The following CDC42BPA variants were observed in gnomAD, a reference collection of about 807,000 sequenced individuals.
CDC42BPA encodes the protein CDC42 binding protein kinase alpha, also known as serine/threonine-protein kinase MRCK alpha.
A neutral mutation model predicts 223.5 loss-of-function variants in CDC42BPA; 80 were observed. The ratio of observed to expected loss-of-function variants is 0.36; its 90% CI spans 0.30 to 0.43. CDC42BPA has a LOEUF of 0.43. Ranked by LOEUF, CDC42BPA falls within the 20% of genes least tolerant of loss-of-function variation. The pLI is 1.00. For synonymous variants in CDC42BPA, 694 were observed against 718.6 expected (o/e 0.97, Z 0.55); for missense variants, 1,743 against 2,099.9 (o/e 0.83, Z 3.32).
intron 1 of CDC42BPA, chr1:227,265,290 C>G (rs867201214): frequency 2.5e-5 from 12 of 486,982 alleles, no homozygotes; most frequent in South Asian, 4.5e-5. Flanking sequence ...TATTTAGACA[C>G]AAAAGGCTTC....
chr1:227,068,759 GAAT>G lies in CDC42BPA; in HGVS notation c.2904+1015_2904+1017del, dbSNP rs1457989549. On this transcript the variant is annotated intron_variant, in intron 21 of 36. Transcript: ENST00000366766. ...AAATATGGATGAAGCAATTTAATAAGAATAATAAATCAAAAACTTTGTAAAACA... is the reference window on the plus strand; with the variant it reads ...AAATATGGATGAAGCAATTTAATAAGAATAAATCAAAAACTTTGTAAAACA... The G allele has an allele frequency of 2.0e-5, 12 of 595,440 alleles. No individual in the cohort carries two copies. In the Admixed American group the frequency reaches 2.5e-4, roughly 12 times the overall value. The allele number at this position is 595,440 out of a possible 1,614,324, so 36.9% of individuals were successfully genotyped here. A position where few individuals can be genotyped will look rare whatever the true frequency, so the allele number is the denominator to read the frequency against.
chr1:227,312,778 G>C (rs1693741083), intron 1 of CDC42BPA, among the ~76,000 whole-genome samples: 1 of 143,712 alleles, frequency 7.0e-6, no homozygotes, highest in Non-Finnish European at 1.5e-5. Context: ...TGGATCATGG[G>C]GGCAGACTTC....
chr1:227,047,980 T>C lies in CDC42BPA; in HGVS notation c.3040A>G (p.Thr1014Ala). Residue 1014 changes from threonine to alanine, a missense_variant, in exon 23 of 37, where the codon ACA (threonine) becomes GCA (alanine). Thr to Ala is a moderately conservative substitution (Grantham distance 58). This residue lies in a region of CDC42BPA where 678 missense variants were observed against 777.5 expected (regional missense o/e 0.87). Transcript: ENST00000366766. Reference sequence around the variant, plus strand: ...CATCCTTTTTTCCTTAAGGTTGGTGTGTGAACTGAAAGTGGAGTGGAGTCT... The same window carrying C: ...CATCCTTTTTTCCTTAAGGTTGGTGCGTGAACTGAAAGTGGAGTGGAGTCT... ...TVDSTPLSVH[T>A]PTLRKKGCPG... 1 of 1,611,700 alleles carries C rather than the reference T, an allele frequency of 6.2e-7. No individual in the cohort carries two copies. Among genetic ancestry groups the C allele is most frequent in the African/African-American group, 1.3e-5 (1 of 74,938 alleles).
rs386417862 is a variant in CDC42BPA, at chr1:227,261,124, C to CTTTCTTTTTTTTTTTTTTTTT, written c.179-6970_179-6969insAAAAAAAAAAAAAAAAAGAAA. On this transcript the variant is annotated intron_variant, in intron 1 of 36. Transcript: ENST00000366766. Reference sequence around the variant, plus strand: ...TTTTTAACAGAATAATTGAGTTTTTCTTTTTTTTTGAGACAGAGTCTCGCT... The same window carrying CTTTCTTTTTTTTTTTTTTTTT: ...TTTTTAACAGAATAATTGAGTTTTTCTTTCTTTTTTTTTTTTTTTTTTTTTTTTTTGAGACAGAGTCTCGCT... Among the ~76,000 whole-genome samples the CTTTCTTTTTTTTTTTTTTTTT allele has an allele frequency of 1.7e-3, 200 of 120,984 alleles. 6 individuals are homozygous for CTTTCTTTTTTTTTTTTTTTTT. The highest frequency in any genetic ancestry group is 9.4e-3 in the East Asian group (37 of 3,918). 79.4% of individuals were successfully genotyped at this position (120,984 alleles called of 152,430 possible).
chr1:227,279,231 A>G (rs1450508661), intron 1 of CDC42BPA, among the ~76,000 whole-genome samples: 2 of 152,136 alleles, frequency 1.3e-5, no homozygotes, highest in Non-Finnish European at 2.9e-5. Flanking sequence ...TCATTAGCTC[A>G]ATTTTGAGAT....
At chr1:227,010,822 A>C (rs1665033367) in intron 34 of CDC42BPA, 1 of 1,109,454 alleles carries the variant, frequency 9.0e-7, no homozygotes, top group Non-Finnish European at 1.2e-6. Context: ...TAAGCCAGGC[A>C]AAAGGAAATC....
In CDC42BPA at chr1:227,179,099, C is replaced by T. The variant is rs937035024; in HGVS notation, c.599+14687G>A. Among the ~76,000 whole-genome samples the T allele has an allele frequency of 3.3e-5, 5 of 152,196 alleles. No individual in the cohort carries two copies. In the South Asian group the frequency reaches 6.2e-4, roughly 19 times the overall value. Reference sequence around the variant, plus strand: ...CAGAAAACCGCGTGTTATATGATTTCATTTATAGGCAATGTCTGGAATAGG... The same window carrying T: ...CAGAAAACCGCGTGTTATATGATTTTATTTATAGGCAATGTCTGGAATAGG... On this transcript the variant is annotated intron_variant, in intron 5 of 36. Transcript: ENST00000366766.
At chr1:227,271,354 G>A (rs1448964384) in intron 1 of CDC42BPA, among the ~76,000 whole-genome samples, 1 of 152,144 alleles carries the variant, frequency 6.6e-6, no homozygotes, top group African/African-American at 2.4e-5. Flanking sequence ...GCAGTCTTTT[G>A]TGCACAGTAG....
chr1:227,129,288 C>A, intron 10 of CDC42BPA, 57 bp from the exon 11 acceptor site: 1 of 1,206,056 alleles, frequency 8.3e-7, no homozygotes. Flanking sequence ...ATTCTTAAAA[C>A]TAATAACATT....
intron 14 of CDC42BPA, among the ~76,000 whole-genome samples, chr1:227,102,033 C>G (rs529430): frequency 0.28 from 43,122 of 151,982 alleles, 6,337 homozygotes; most frequent in African/African-American, 0.35. Context: ...TCTTATCTGT[C>G]TCCCCAGTTG....
intron 6 of CDC42BPA, among the ~76,000 whole-genome samples, chr1:227,157,009 TTATCC>T (rs1414074283): frequency 6.6e-6 from 1 of 152,198 alleles, no homozygotes; most frequent in African/African-American, 2.4e-5. Context: ...CTATATACAG[TTATCC>T]TAGAGCAGTA....
intron 12 of CDC42BPA, among the ~76,000 whole-genome samples, chr1:227,113,791 T>C (rs1485342748): frequency 3.3e-5 from 5 of 151,370 alleles, no homozygotes; most frequent in Non-Finnish European, 7.4e-5. Flanking sequence ...GGCAGGAGGA[T>C]TGCTTGAGCC....
chr1:227,033,486 A>G, intron 26 of CDC42BPA, 71 bp from the exon 27 acceptor site: 1 of 939,060 alleles, frequency 1.1e-6, no homozygotes, highest in South Asian at 1.4e-5. Flanking sequence ...TGTGTATCCA[A>G]ATAACACATA....
At chr1:227,146,478 A>G (rs1373770134) in intron 7 of CDC42BPA, among the ~76,000 whole-genome samples, 1 of 152,160 alleles carries the variant, frequency 6.6e-6, no homozygotes, top group Non-Finnish European at 1.5e-5. Context: ...ATTTTTATAC[A>G]TGTAAAGCAA....
intron 35 of CDC42BPA, among the ~76,000 whole-genome samples, chr1:226,997,357 A>G (rs1158860943): frequency 2.0e-5 from 3 of 151,632 alleles, no homozygotes; most frequent in Non-Finnish European, 4.4e-5. Flanking sequence ...TTTTCTTATT[A>G]GTCTGGCTAG....
chr1:227,153,672 C>T (rs985783167), intron 6 of CDC42BPA, among the ~76,000 whole-genome samples: 2 of 151,688 alleles, frequency 1.3e-5, no homozygotes, highest in African/African-American at 2.4e-5. Flanking sequence ...AAGACTATAA[C>T]GTATTAAAAC....
intron 4 of CDC42BPA, 33 bp downstream of exon 4, chr1:227,199,524 A>C (rs763661093): frequency 8.6e-7 from 1 of 1,161,012 alleles, no homozygotes; most frequent in South Asian, 1.3e-5. Context: ...CCAACAAAAA[A>C]ACAGTATATA....
intron 1 of CDC42BPA, among the ~76,000 whole-genome samples, chr1:227,289,830 A>C (rs1408739227): frequency 1.3e-5 from 2 of 149,676 alleles, no homozygotes; most frequent in Non-Finnish European, 3.0e-5. Context: ...AAGTGGGAAG[A>C]CTACTAGGGC....
rs922408596 is a variant in CDC42BPA, at chr1:227,042,297, G to GAGATATATATATATATATATATAT, written c.3094-2062_3094-2061insATATATATATATATATATATATCT. 1.4e-3 allele frequency among the ~76,000 whole-genome samples: 210 copies of GAGATATATATATATATATATATAT among 147,678 alleles called. 4 individuals are homozygous for GAGATATATATATATATATATATAT. Among genetic ancestry groups the GAGATATATATATATATATATATAT allele is most frequent in the African/African-American group, 4.5e-3 (176 of 38,684 alleles). On this transcript the variant is annotated intron_variant, in intron 23 of 36. Coordinates refer to ENST00000366766, the MANE Select transcript of CDC42BPA (RefSeq NM_001394014.1). ...TCCCGAATTGCACATATACATATAT[G>GAGATATATATATATATATATATAT]ATATATATATATATATATCATACAC...
Sources: gnomAD v4.1 joint callset for allele counts (sites outside exome capture counted in the v4.1 genomes callset) on GRCh38, gnomAD v4.1.1 for gene constraint, gnomAD v4.1.1 regional missense constraint, MANE v1.5 for transcripts, NCBI Gene and HGNC (gene_info 2026-07-23, HGNC 2026-07-21) for gene names.